MCF2L: variants seen among roughly 807,000 people sequenced by gnomAD.
The protein encoded by MCF2L is MCF.2 cell line derived transforming sequence like, also known as guanine nucleotide exchange factor DBS.
A neutral mutation model predicts 153.4 loss-of-function variants in MCF2L; 97 were observed. The ratio of observed to expected loss-of-function variants is 0.63; its 90% confidence interval spans 0.54 to 0.75. The LOEUF (loss-of-function observed/expected upper bound fraction) is 0.75, where lower values mean the gene tolerates loss of function less well. Ranked by LOEUF, MCF2L falls within the 30% of genes least tolerant of loss-of-function variation. MCF2L has a pLI of 0.00. For synonymous variants in MCF2L, 659 were observed against 632.2 expected, an observed-to-expected ratio of 1.04 and a Z score of -0.64; for missense variants, 1,347 against 1,495.2, an observed-to-expected ratio of 0.90 and a Z score of 1.64.
At chr13:112,918,728 G>C (rs1279234049) in intron 2 of MCF2L, among the ~76,000 whole-genome samples, 1 of 152,196 alleles carries the variant, frequency 6.6e-6, no homozygotes, top group Admixed American at 6.5e-5. Flanking sequence ...TATATGCAGA[G>C]CAGCAGTGCT....
rs914861016 is a variant in MCF2L, at chr13:113,046,150, T to A, written c.369+789T>A. 1.2e-5 allele frequency: 2 copies of A among 163,524 alleles called. No homozygotes were observed. The highest frequency in any genetic ancestry group is 4.8e-5 in the African/African-American group (2 of 41,538). 10.1% of individuals were successfully genotyped at this position (163,524 alleles called of 1,614,324 possible). On this transcript the variant is annotated intron_variant, in intron 4 of 29. Transcript: ENST00000535094. The surrounding 1 kb of genome is among the most constrained non-coding windows in gnomAD (Gnocchi z 4.4). The stretch of plus-strand genomic sequence containing the variant: ...GTCAGCAGAAGCCCCCAAATCTTAT[T>A]TTTGTCGGTAGCTCCCACCCGTATG...
chr13:113,069,767 A>G (rs1022550492), intron 8 of MCF2L, among the ~76,000 whole-genome samples: 1 of 152,248 alleles, frequency 6.6e-6, no homozygotes, highest in Non-Finnish European at 1.5e-5. Context: ...TTTAAAAAAT[A>G]AAAATGAACA....
At chr13:112,919,119 A>C (rs1395641752) in intron 2 of MCF2L, among the ~76,000 whole-genome samples, 2 of 152,152 alleles carry the variant, frequency 1.3e-5, no homozygotes, top group East Asian at 3.8e-4. Context: ...CATTTACAAG[A>C]TATAAAACCA....
At position 113,060,579 on chromosome 13, in the gene MCF2L, G is replaced by A. The variant is rs144058627; in HGVS notation, c.370-14G>A. The stretch of plus-strand genomic sequence containing the variant: ...AGCACGCTGCAGGCCCTTGTCTCTC[G>A]CCCTCTCTCACAGGCATCTTTCCCG... On this transcript the variant is annotated splice_polypyrimidine_tract_variant and intron_variant, in intron 4 of 29. Transcript: ENST00000535094. The A allele has an allele frequency of 2.8e-5, 45 of 1,611,668 alleles. No homozygotes were observed. Among genetic ancestry groups the A allele is most frequent in the East Asian group, 6.7e-5 (3 of 44,866 alleles).
At chr13:112,991,870 G>A (rs1292310250) in intron 1 of MCF2L, among the ~76,000 whole-genome samples, 1 of 152,322 alleles carries the variant, frequency 6.6e-6, no homozygotes, top group Middle Eastern at 3.4e-3. Context: ...GCCTATGTGG[G>A]ATTCAGCCCA....
At chr13:112,975,318 C>T (rs1400928519) in intron 1 of MCF2L, among the ~76,000 whole-genome samples, 2 of 152,134 alleles carry the variant, frequency 1.3e-5, no homozygotes, top group Non-Finnish European at 2.9e-5. Context: ...GTGAGGTTAG[C>T]GGGGCCCCTA....
intron 2 of MCF2L, among the ~76,000 whole-genome samples, chr13:112,937,148 G>T (rs1024145811): frequency 1.3e-5 from 2 of 152,064 alleles, no homozygotes; most frequent in African/African-American, 4.8e-5. Context: ...CTGCCTCCTG[G>T]GCTCAAGCTG....
At chr13:112,898,156 C>T (rs1034077681) in intron 1 of MCF2L, among the ~76,000 whole-genome samples, 18 of 152,172 alleles carry the variant, frequency 1.2e-4, no homozygotes, top group African/African-American at 1.7e-4. Context: ...CGTGTGGCAG[C>T]GGCGGGGACC....
At chr13:112,952,312 G>A (rs1215085829) in intron 2 of MCF2L, among the ~76,000 whole-genome samples, 2 of 152,140 alleles carry the variant, frequency 1.3e-5, no homozygotes, top group Non-Finnish European at 2.9e-5. Flanking sequence ...CAGAGACCTT[G>A]CAGCCCCACC....
chr13:113,072,269 CAT>C (rs1258391815), intron 9 of MCF2L, among the ~76,000 whole-genome samples: 1 of 152,156 alleles, frequency 6.6e-6, no homozygotes, highest in Non-Finnish European at 1.5e-5. Context: ...ACCATCATGT[CAT>C]GTGCAAATAA....
At chr13:112,920,327 A>G (rs2081339575) in intron 2 of MCF2L, among the ~76,000 whole-genome samples, 2 of 152,308 alleles carry the variant, frequency 1.3e-5, no homozygotes, top group South Asian at 4.1e-4. Context: ...AAAACTCTGC[A>G]TTCAAAATCA....
At chr13:112,970,578 T>A (rs905180222) in intron 1 of MCF2L, among the ~76,000 whole-genome samples, 1 of 152,082 alleles carries the variant, frequency 6.6e-6, no homozygotes, top group Non-Finnish European at 1.5e-5. Context: ...GGTTTGAGTA[T>A]GGTGAAGGGC....
At chr13:112,916,107 C>G (rs2081289149) in intron 2 of MCF2L, among the ~76,000 whole-genome samples, 1 of 148,716 alleles carries the variant, frequency 6.7e-6, no homozygotes, top group Non-Finnish European at 1.5e-5. Flanking sequence ...ACTCAGGAGG[C>G]TGAGGCAGGA....
At chr13:112,965,205 G>T (rs1197073637), upstream of MCF2L, 3 of 152,502 alleles carry the variant, frequency 2.0e-5, no homozygotes, top group Admixed American at 6.5e-5. Context: ...TCCTTCAGTC[G>T]TCCGTGTGTG....
rs763316385 is a variant in MCF2L, at chr13:112,907,581, T to G, written c.169+5210T>G. ...ATCTGACGGGGGAAGATGTGTTTCT[T>G]CACATCTTCAGGCTCCTTCTGTGGT... On this transcript the variant is annotated intron_variant, in intron 2 of 29. Coordinates refer to the MCF2L transcript ENST00000375608. This position sits in a 1 kb window ranked among gnomAD's most constrained non-coding sequence, Gnocchi z 5.1. Among the ~76,000 whole-genome samples the G allele has an allele frequency of 2.6e-5, 4 of 152,172 alleles. No individual in the cohort carries two copies. Among genetic ancestry groups the G allele is most frequent in the Non-Finnish European group, 4.4e-5 (3 of 68,026 alleles).
rs1212135856 is a variant in MCF2L, at chr13:112,941,169, C to G, written c.169+38798C>G. Among the ~76,000 whole-genome samples, 1 of 152,090 alleles carries G rather than the reference C, an allele frequency of 6.6e-6. No individual in the cohort carries two copies. Among genetic ancestry groups the G allele is most frequent in the African/African-American group, 2.4e-5 (1 of 41,408 alleles). On this transcript the variant is annotated intron_variant, in intron 2 of 29. Coordinates refer to the MCF2L transcript ENST00000375608. This position sits in a 1 kb window ranked among gnomAD's most constrained non-coding sequence, Gnocchi z 4.9. Reference sequence around the variant, plus strand: ...ACCTACAAAAATTCAGGTCATCAGCCCGTAATGCCACCTTGTTTTATCTTG... The same window carrying G: ...ACCTACAAAAATTCAGGTCATCAGCGCGTAATGCCACCTTGTTTTATCTTG...
rs773058112 is a variant in MCF2L, at chr13:112,969,501, G to T, written c.79+43G>T. The T allele has an allele frequency of 6.5e-7, 1 of 1,549,210 alleles. No individual in the cohort carries two copies. Among genetic ancestry groups the T allele is most frequent in the African/African-American group, 1.4e-5 (1 of 73,146 alleles). On this transcript the variant is annotated intron_variant, in intron 1 of 29. Transcript: ENST00000535094. The surrounding 1 kb of genome is among the most constrained non-coding windows in gnomAD (Gnocchi z 4.8). The stretch of plus-strand genomic sequence containing the variant: ...CCGTCAGTGATCTGTGCTTAAGCTT[G>T]ACATCATGGGCTGAAATGTGGGGAA...
At chr13:113,030,660 C>T (rs973059002) in intron 3 of MCF2L, among the ~76,000 whole-genome samples, 3 of 152,186 alleles carry the variant, frequency 2.0e-5, no homozygotes, top group African/African-American at 7.2e-5. Context: ...GGCCCTCGTT[C>T]GTCAGAGGGC....
chr13:112,999,072 G>T (rs1566710244), intron 1 of MCF2L, among the ~76,000 whole-genome samples: 2 of 152,222 alleles, frequency 1.3e-5, no homozygotes, highest in Non-Finnish European at 2.9e-5. Flanking sequence ...CATTACTGTG[G>T]CCCCCCAGGG....
Sources: allele counts gnomAD v4.1 joint callset (sites outside exome capture counted in the v4.1 genomes callset), GRCh38; gene constraint gnomAD v4.1.1; non-coding constraint Gnocchi (gnomAD v3.1); transcripts MANE v1.5; gene names NCBI Gene and HGNC (gene_info 2026-07-23, HGNC 2026-07-21).